The following EEF1AKMT4 variants were observed in gnomAD, a reference collection of about 807,000 sequenced individuals.
The protein encoded by EEF1AKMT4 is eukaryotic translation elongation factor 1 alpha lysine specific methyltransferase 4.
Under a neutral mutation model 23.0 loss-of-function variants are expected in EEF1AKMT4, and 17 were observed. That is an observed-to-expected ratio of 0.74 (90% CI 0.51 to 1.11). The LOEUF (loss-of-function observed/expected upper bound fraction) is 1.11, where lower values mean the gene tolerates loss of function less well. Ranked by LOEUF, EEF1AKMT4 falls within the 50% of genes least tolerant of loss-of-function variation. The pLI, the probability that EEF1AKMT4 is intolerant of heterozygous loss-of-function variation, is 0.00. For synonymous variants in EEF1AKMT4, 140 were observed against 141.4 expected (o/e 0.99, Z 0.07); for missense variants, 318 against 333.4 (o/e 0.95, Z 0.36).
intron 1 of EEF1AKMT4, 139 bp downstream of exon 1, chr3:184,250,029 A>G: frequency 2.1e-6 from 2 of 939,110 alleles, no homozygotes; most frequent in Non-Finnish European, 3.1e-6. Flanking sequence ...CAGCTCCTTC[A>G]GAGTCCCGGC....
Position 184,257,422 on chromosome 3 carries a change from G to A in EEF1AKMT4, c.197-51G>A, listed in dbSNP as rs562964123. 2.8e-5 allele frequency: 44 copies of A among 1,549,982 alleles called. No individual in the cohort carries two copies. The Admixed American group carries it at 7.7e-4, about 27-fold the overall frequency. The stretch of plus-strand genomic sequence containing the variant: ...AGTGGATGGATATTCAGGGGGAGGT[G>A]AGAACCAAAACTAACGTAGCTCTTT... On this transcript the variant is annotated intron_variant, in intron 1 of 2. Coordinates refer to ENST00000324557, the MANE Select transcript of EEF1AKMT4 (RefSeq NM_032331.4).
rs1255513613 is a variant in EEF1AKMT4, at chr3:184,254,877, CAT to C, written c.197-2595_197-2594del. On this transcript the variant is annotated intron_variant, in intron 1 of 2. Coordinates refer to ENST00000324557, the MANE Select transcript of EEF1AKMT4 (RefSeq NM_032331.4). ...TAGGATCCACTCAGCTCTAGGCCCT[CAT>C]GTGATGTATTCTTGGATATGGATCA... Among the ~76,000 whole-genome samples, 11 of 152,306 alleles carry C rather than the reference CAT, an allele frequency of 7.2e-5. No individual in the cohort carries two copies. The East Asian group carries it at 1.7e-3, about 24-fold the overall frequency.
Position 184,257,502 on chromosome 3 carries a change from C to T in EEF1AKMT4, c.226C>T (p.Leu76=), listed in dbSNP as rs1719864606. 16 of 1,609,226 alleles carry T rather than the reference C, an allele frequency of 9.9e-6. No individual in the cohort carries two copies. The highest frequency in any genetic ancestry group is 1.4e-5 in the Non-Finnish European group (16 of 1,175,974). Reference sequence around the variant, plus strand: ...CGGGAACAGTGCCCTGAGCTACGAGCTGTTCCTCGGAGGCTTCCCTAATGT... The same window carrying T: ...CGGGAACAGTGCCCTGAGCTACGAGTTGTTCCTCGGAGGCTTCCCTAATGT... ...GCGNSALSYE[L]FLGGFPNVTS... The change falls in exon 2 of 3, where the codon CTG becomes TTG. Residue 76 remains leucine (L), a synonymous_variant. Coordinates refer to ENST00000324557, the MANE Select transcript of EEF1AKMT4 (RefSeq NM_032331.4).
At chr3:184,251,192 C>G (rs975435353) in intron 1 of EEF1AKMT4, among the ~76,000 whole-genome samples, 1 of 151,902 alleles carries the variant, frequency 6.6e-6, no homozygotes, top group African/African-American at 2.4e-5. Context: ...ATCACTTGAT[C>G]GCAGGAGCTC....
Position 184,258,719 on chromosome 3 carries a change from C to G in EEF1AKMT4, c.*144C>G. Reference sequence around the variant, plus strand: ...GCCTAAGATAGAGGGTGGGAGCGAACCCACATGAACCAATACAGCCCAGCT... The same window carrying G: ...GCCTAAGATAGAGGGTGGGAGCGAAGCCACATGAACCAATACAGCCCAGCT... On this transcript the variant is annotated 3_prime_UTR_variant, in exon 3 of 3. Coordinates refer to ENST00000324557, the MANE Select transcript of EEF1AKMT4 (RefSeq NM_032331.4). 7.1e-7 allele frequency: 1 copy of G among 1,416,728 alleles called. No individual in the cohort carries two copies. Among genetic ancestry groups the G allele is most frequent in the Non-Finnish European group, 9.2e-7 (1 of 1,089,800 alleles). The allele number at this position is 1,416,728 out of a possible 1,614,324, so 87.8% of individuals were successfully genotyped here.
At chr3:184,253,468 A>G (rs1719647291) in intron 1 of EEF1AKMT4, among the ~76,000 whole-genome samples, 1 of 152,186 alleles carries the variant, frequency 6.6e-6, no homozygotes. Context: ...ATAGCTAACA[A>G]TGGAATGTCA....
In EEF1AKMT4 at chr3:184,249,732, T is replaced by C. The variant is rs200184637; in HGVS notation, c.38T>C (p.Leu13Ser). ...SPGAGRAPPE[L>S]PERNCGYREV... ...GGGGCAGGTAGGGCGCCTCCGGAGTTACCGGAGCGGAACTGCGGGTACCGC... is the reference window on the plus strand; with the variant it reads ...GGGGCAGGTAGGGCGCCTCCGGAGTCACCGGAGCGGAACTGCGGGTACCGC... Residue 13 changes from leucine (L) to serine (S), a missense_variant, in exon 1 of 3, where the codon TTA (leucine) becomes TCA (serine). Transcript: ENST00000324557. 6.2e-7 allele frequency: 1 copy of C among 1,612,366 alleles called. No individual in the cohort carries two copies. Among genetic ancestry groups the C allele is most frequent in the East Asian group, 2.2e-5 (1 of 44,868 alleles).
intron 1 of EEF1AKMT4, among the ~76,000 whole-genome samples, chr3:184,257,015 G>A (rs557306943): frequency 6.6e-6 from 1 of 151,668 alleles, no homozygotes; most frequent in South Asian, 2.1e-4. Context: ...CCTGTATATG[G>A]CCTACGTATT....
intron 1 of EEF1AKMT4, among the ~76,000 whole-genome samples, chr3:184,254,462 C>T (rs989502721): frequency 5.3e-5 from 8 of 150,206 alleles, no homozygotes; most frequent in Non-Finnish European, 7.4e-5. Context: ...CCCAGCACTT[C>T]GAGAGGCGGA....
chr3:184,254,996 T>A (rs185491571), intron 1 of EEF1AKMT4, among the ~76,000 whole-genome samples: 159 of 152,224 alleles, frequency 1.0e-3, no homozygotes, highest in Non-Finnish European at 1.9e-3. Context: ...AATCTCTGAG[T>A]CAACAGAATC....
chr3:184,257,193 G>A (rs541220419), intron 1 of EEF1AKMT4, among the ~76,000 whole-genome samples: 8 of 138,098 alleles, frequency 5.8e-5, no homozygotes, highest in African/African-American at 8.4e-5. Flanking sequence ...CTGGGCGACC[G>A]AGTGAGAATT....
intron 1 of EEF1AKMT4, 91 bp from the exon 2 acceptor site, chr3:184,257,382 G>A: frequency 7.3e-7 from 1 of 1,367,144 alleles, no homozygotes; most frequent in South Asian, 1.4e-5. Flanking sequence ...TGGATTGAGA[G>A]AAAACGGGGC....
intron 1 of EEF1AKMT4, among the ~76,000 whole-genome samples, chr3:184,250,398 G>C (rs937769808): frequency 1.3e-5 from 2 of 152,216 alleles, no homozygotes; most frequent in Admixed American, 6.5e-5. Context: ...AGTCCTGTCT[G>C]AAACTTGGTC....
At chr3:184,255,746 G>A (rs1719770100) in intron 1 of EEF1AKMT4, among the ~76,000 whole-genome samples, 4 of 152,248 alleles carry the variant, frequency 2.6e-5, no homozygotes, top group Non-Finnish European at 5.9e-5. Context: ...GTGTTGGGAA[G>A]TTGTCAAGAC....
At chr3:184,256,286 A>AAAAAAAAAAAAAAAAAG in intron 1 of EEF1AKMT4, among the ~76,000 whole-genome samples, 2 of 146,660 alleles carry the variant, frequency 1.4e-5, no homozygotes, top group South Asian at 4.2e-4. Flanking sequence ...AAAAAAAAAA[A>AAAAAAAAAAAAAAAAAG]AAAAGAAAAG....
At chr3:184,250,825 A>G (rs753336508) in intron 1 of EEF1AKMT4, among the ~76,000 whole-genome samples, 7 of 152,224 alleles carry the variant, frequency 4.6e-5, no homozygotes, top group Non-Finnish European at 1.0e-4. Flanking sequence ...GGCTCACGCC[A>G]TTAATCCCAG....
At chr3:184,251,282 C>T (rs530244556) in intron 1 of EEF1AKMT4, among the ~76,000 whole-genome samples, 1 of 151,982 alleles carries the variant, frequency 6.6e-6, no homozygotes, top group Non-Finnish European at 1.5e-5. Flanking sequence ...CTTGTAATCA[C>T]AACACTTTGG....
Position 184,249,865 on chromosome 3 carries a change from GC to G in EEF1AKMT4, c.174del (p.Glu59ArgfsTer7), listed in dbSNP as rs1454864127. 1 of 1,612,626 alleles carries G rather than the reference GC, an allele frequency of 6.2e-7. No individual in the cohort carries two copies. Among genetic ancestry groups the G allele is most frequent in the Non-Finnish European group, 8.5e-7 (1 of 1,179,574 alleles). On this transcript the variant is annotated frameshift_variant, in exon 1 of 3. Coordinates refer to ENST00000324557, the MANE Select transcript of EEF1AKMT4 (RefSeq NM_032331.4). LOFTEE classifies it high-confidence loss of function. Reference protein sequence around the residue: ...FRALLEPELRPEDRILVLGCG... With the variant: ...FRALLEPELRXEDRILVLGCG... ...GTGCCCTCCTAGAGCCGGAGCTGCG[GC>G]CCGAGGACCGTATCCTTGTGCTAGG...
Position 184,258,613 on chromosome 3 carries a change from C to T in EEF1AKMT4, c.*38C>T. 6.6e-7 allele frequency: 1 copy of T among 1,526,152 alleles called. No homozygotes were observed. Among genetic ancestry groups the T allele is most frequent in the Non-Finnish European group, 8.8e-7 (1 of 1,137,780 alleles). 94.5% of individuals were successfully genotyped at this position (1,526,152 alleles called of 1,614,324 possible). A position where few individuals can be genotyped will look rare whatever the true frequency, so the allele number is the denominator to read the frequency against. ...GTCCTCCACCCTTCCTGCCATTCTG[C>T]CCTGGGCTCCTCAGGTAGTTGGAAT... is the stretch of plus-strand genomic sequence containing the variant. On this transcript the variant is annotated 3_prime_UTR_variant, in exon 3 of 3. Coordinates refer to ENST00000324557, the MANE Select transcript of EEF1AKMT4 (RefSeq NM_032331.4).
Sources: gnomAD v4.1 joint callset for allele counts (sites outside exome capture counted in the v4.1 genomes callset) on GRCh38, gnomAD v4.1.1 for gene constraint, MANE v1.5 for transcripts, NCBI Gene and HGNC (gene_info 2026-07-23, HGNC 2026-07-21) for gene names.